Variants in FKBP9 observed in about 807,000 individuals in gnomAD.
FKBP9 encodes the protein FKBP prolyl isomerase 9.
A neutral mutation model predicts 55.6 loss-of-function variants in FKBP9; 27 were observed. The ratio of observed to expected loss-of-function variants is 0.49; its 90% CI spans 0.36 to 0.67. The LOEUF is 0.67. Ranked by LOEUF, FKBP9 falls within the 30% of genes least tolerant of loss-of-function variation. The pLI is 0.00. For missense variants in FKBP9, 539 were observed against 742.8 expected (o/e 0.73, Z 3.19); for synonymous variants, 267 against 296.5 (o/e 0.90, Z 1.02).
At chr7:32,991,313 G>C (rs972511824) in intron 6 of FKBP9, among the ~76,000 whole-genome samples, 4 of 151,914 alleles carry the variant, frequency 2.6e-5, no homozygotes, top group African/African-American at 9.7e-5. Context: ...CCTTCATCCT[G>C]AATCACGTTG....
At chr7:32,990,162 G>T (rs1784652622) in intron 6 of FKBP9, among the ~76,000 whole-genome samples, 1 of 152,136 alleles carries the variant, frequency 6.6e-6, no homozygotes, top group Admixed American at 6.5e-5. Flanking sequence ...GGACTTTACA[G>T]ATTTGATTAA....
At chr7:32,989,552 A>T (rs1414964640) in intron 6 of FKBP9, among the ~76,000 whole-genome samples, 2 of 151,590 alleles carry the variant, frequency 1.3e-5, no homozygotes, top group Non-Finnish European at 2.9e-5. Context: ...AGTAGCTGGG[A>T]CTACAGGCAT....
intron 5 of FKBP9, among the ~76,000 whole-genome samples, chr7:32,985,162 T>TTTTC (rs1335161462): frequency 1.4e-5 from 2 of 147,372 alleles, no homozygotes; most frequent in Non-Finnish European, 3.0e-5. Flanking sequence ...ACTAATTTCT[T>TTTTC]TTTCTTTCTT....
intron 5 of FKBP9, 76 bp from the exon 6 acceptor site, chr7:32,988,431 T>C (rs1320708196): frequency 5.7e-5 from 86 of 1,497,156 alleles, no homozygotes; most frequent in Non-Finnish European, 7.8e-5. Flanking sequence ...CCTTTGCATC[T>C]CTTTCCCAAC....
At chr7:32,992,212 C>T (rs557191736) in intron 6 of FKBP9, among the ~76,000 whole-genome samples, 4 of 152,160 alleles carry the variant, frequency 2.6e-5, no homozygotes, top group African/African-American at 9.6e-5. Context: ...CAGAGGAAAC[C>T]CACCTTCCTC....
intron 1 of FKBP9, among the ~76,000 whole-genome samples, chr7:32,973,197 C>T (rs1784285167): frequency 6.6e-6 from 1 of 152,136 alleles, no homozygotes; most frequent in Non-Finnish European, 1.5e-5. Context: ...TCCCCCAAAG[C>T]ACCTGGCACA....
At chr7:32,983,678 C>T (rs1160097136) in intron 5 of FKBP9, among the ~76,000 whole-genome samples, 4 of 152,204 alleles carry the variant, frequency 2.6e-5, no homozygotes, top group South Asian at 2.1e-4. Flanking sequence ...AGGTTTTACT[C>T]AGCATCACAG....
intron 5 of FKBP9, among the ~76,000 whole-genome samples, chr7:32,983,863 C>T (rs890973995): frequency 6.6e-5 from 10 of 152,128 alleles, no homozygotes; most frequent in African/African-American, 2.4e-4. Context: ...TTGTGAACTA[C>T]CTGTTCAGGT....
chr7:33,002,298 A>G (rs1027481283), intron 8 of FKBP9, among the ~76,000 whole-genome samples: 3 of 152,032 alleles, frequency 2.0e-5, no homozygotes, highest in Non-Finnish European at 4.4e-5. Context: ...CACACCAGCT[A>G]ATTTTTGTAT....
intron 6 of FKBP9, chr7:32,992,590 T>A (rs1272728533): frequency 5.6e-6 from 1 of 180,148 alleles, no homozygotes; most frequent in Non-Finnish European, 1.2e-5. Flanking sequence ...TGGTCAGCAC[T>A]CATTTCTATA....
chr7:33,002,086 C>T (rs1014803011), intron 8 of FKBP9: 1 of 151,752 alleles, frequency 6.6e-6, no homozygotes, highest in African/African-American at 2.4e-5. Flanking sequence ...AATTTAAACT[C>T]AAGTTTCATG....
In FKBP9 at chr7:32,974,746, C is replaced by T. The variant is rs750708130; in HGVS notation, c.351C>T (p.Tyr117=). Reference sequence around the variant, plus strand: ...TGAAGATTCCCCCAAAGCTTGCCTACGGAAATGAAGGAGTTTGTAAGCTTT... The same window carrying T: ...TGAAGATTCCCCCAAAGCTTGCCTATGGAAATGAAGGAGTTTGTAAGCTTT... The part of the protein sequence containing the change: ...RFVKIPPKLA[Y]GNEGVSGVIP... Residue 117 remains tyrosine, a synonymous_variant, in exon 2 of 10, where the codon TAC becomes TAT. Transcript: ENST00000242209. The T allele has an allele frequency of 1.4e-5, 22 of 1,613,316 alleles. No individual in the cohort carries two copies. The highest frequency in any genetic ancestry group is 6.6e-5 in the South Asian group (6 of 90,994).
At chr7:32,957,919 G>A (rs1305533033) in intron 1 of FKBP9, 125 bp downstream of exon 1, 8 of 747,104 alleles carry the variant, frequency 1.1e-5, no homozygotes, top group Non-Finnish European at 1.4e-5. Context: ...CCCTTCTTCC[G>A]CTGCCCAGAT....
intron 1 of FKBP9, among the ~76,000 whole-genome samples, chr7:32,974,416 G>A (rs1250349025): frequency 2.0e-5 from 3 of 151,128 alleles, no homozygotes; most frequent in Non-Finnish European, 4.4e-5. Flanking sequence ...AGATTTGCTG[G>A]CAATATTCAA....
At chr7:33,004,147 C>T (rs1784985526) in intron 9 of FKBP9, among the ~76,000 whole-genome samples, 1 of 152,124 alleles carries the variant, frequency 6.6e-6, no homozygotes, top group Middle Eastern at 3.2e-3. Flanking sequence ...CTTGAGAGCA[C>T]ACACAGAACC....
chr7:32,965,565 C>A (rs1009126104), intron 1 of FKBP9, among the ~76,000 whole-genome samples: 1 of 151,496 alleles, frequency 6.6e-6, no homozygotes, highest in Non-Finnish European at 1.5e-5. Context: ...CTTTGGGAGG[C>A]CGAGGCAGGT....
In FKBP9 at chr7:32,974,669, A is replaced by G; in HGVS notation, c.274A>G (p.Thr92Ala). ...GTTTGTGGGAAAAGGACAGCTGATC[A>G]CAGGGATGGACCAGGCTCTTGTTGG... The part of the protein sequence containing the change: ...NVFVGKGQLI[T>A]GMDQALVGMC... Residue 92 changes from threonine to alanine, a missense_variant, in exon 2 of 10, where the codon ACA becomes GCA. By Grantham distance (58) the Thr-to-Ala change is moderately conservative (BLOSUM62 0). Coordinates refer to ENST00000242209, the MANE Select transcript of FKBP9 (RefSeq NM_007270.5). 1 of 1,613,940 alleles carries G rather than the reference A, an allele frequency of 6.2e-7. No individual in the cohort carries two copies. Among genetic ancestry groups the G allele is most frequent in the Non-Finnish European group, 8.5e-7 (1 of 1,179,816 alleles).
intron 6 of FKBP9, 149 bp from the exon 7 acceptor site, chr7:32,996,014 G>A (rs190002588): frequency 1.1e-4 from 70 of 620,160 alleles, no homozygotes; most frequent in African/African-American, 8.6e-4. Context: ...CCCTTTCAGC[G>A]TCAGTCTTGG....
chr7:32,969,953 T>C (rs1250935650), intron 1 of FKBP9, among the ~76,000 whole-genome samples: 2 of 151,848 alleles, frequency 1.3e-5, no homozygotes, highest in African/African-American at 4.8e-5. Context: ...TGAGCCGAGA[T>C]TGCACCACTG....
Sources: gnomAD v4.1 joint callset for allele counts (sites outside exome capture counted in the v4.1 genomes callset) on GRCh38, gnomAD v4.1.1 for gene constraint, MANE v1.5 for transcripts, NCBI Gene and HGNC (gene_info 2026-07-23, HGNC 2026-07-21) for gene names.